The following BRIP1 variants were observed in gnomAD, a reference collection of about 807,000 sequenced individuals.
BRIP1 encodes Fanconi anemia group J protein.
BRIP1 carries 88 observed loss-of-function variants against 119.7 expected under a neutral mutation model. The observed-to-expected ratio is 0.74, with a 90% CI of 0.62 to 0.88. The LOEUF (loss-of-function observed/expected upper bound fraction) is 0.88. BRIP1 is among the 40% of genes least tolerant of loss of function. BRIP1 has a pLI of 0.00. For missense variants in BRIP1, 1,259 were observed against 1,455.4 expected (o/e 0.87, Z 2.20); for synonymous variants, 443 against 496.5 (o/e 0.89, Z 1.43).
chr17:61,786,346 T>A (rs1187579621), intron 10 of BRIP1, among the ~76,000 whole-genome samples: 1 of 151,992 alleles, frequency 6.6e-6, no homozygotes, highest in Non-Finnish European at 1.5e-5. Context: ...GTTATTTTTT[T>A]AAATGTGGTT....
At chr17:61,749,563 T>A (rs1249257560) in intron 14 of BRIP1, among the ~76,000 whole-genome samples, 1 of 152,176 alleles carries the variant, frequency 6.6e-6, no homozygotes, top group Non-Finnish European at 1.5e-5. Context: ...GGTTCACAGC[T>A]GTTCGGAAGG....
In BRIP1 at chr17:61,736,089, G is replaced by T. The variant is rs2076914406; in HGVS notation, c.2379+6924C>A. Among the ~76,000 whole-genome samples the T allele has an allele frequency of 6.6e-6, 1 of 152,014 alleles. No individual in the cohort carries two copies. The highest frequency in any genetic ancestry group is 1.5e-5 in the Non-Finnish European group (1 of 68,006). Reference sequence around the variant, plus strand: ...ACCTATAATCCCAGCACTTTGGGAGGCTGAGGTCTGAGCATCCCTTAAGGC... The same window carrying T: ...ACCTATAATCCCAGCACTTTGGGAGTCTGAGGTCTGAGCATCCCTTAAGGC... On this transcript the variant is annotated intron_variant, in intron 16 of 19. Coordinates refer to ENST00000259008, the MANE Select transcript of BRIP1 (RefSeq NM_032043.3). The surrounding 1 kb of genome is among the most constrained non-coding windows in gnomAD (Gnocchi z 4.4).
chr17:61,685,445 T>C (rs1038163516), intron 19 of BRIP1: 20 of 205,368 alleles, frequency 9.7e-5, no homozygotes, highest in Non-Finnish European at 1.9e-4. Context: ...CAAATTTTTA[T>C]ATAGCCTTTA....
rs1383960068 is a variant in BRIP1 at position 61,730,053 on chromosome 17, G to A, written c.2379+12960C>T. Among the ~76,000 whole-genome samples the A allele has an allele frequency of 6.6e-6, 1 of 152,206 alleles. No individual in the cohort carries two copies. Among genetic ancestry groups the A allele is most frequent in the Non-Finnish European group, 1.5e-5 (1 of 68,026 alleles). ...CAAATCTGGTATACTTGATGCAGTAGGAAAATACACTGAGTTATTTGTATA... is the reference window on the plus strand; with the variant it reads ...CAAATCTGGTATACTTGATGCAGTAAGAAAATACACTGAGTTATTTGTATA... On this transcript the variant is annotated intron_variant, in intron 16 of 19. Transcript: ENST00000259008. The surrounding 1 kb of genome is among the most constrained non-coding windows in gnomAD (Gnocchi z 4.3).
At chr17:61,741,537 A>G (rs894007828) in intron 16 of BRIP1, among the ~76,000 whole-genome samples, 1 of 152,360 alleles carries the variant, frequency 6.6e-6, no homozygotes, top group Non-Finnish European at 1.5e-5. Context: ...ACTTGGAAGT[A>G]GAAATTACTC....
rs1328997941 is a variant in BRIP1, at chr17:61,679,962, A to G, written c.*3334T>C. 6.6e-6 allele frequency among the ~76,000 whole-genome samples: 1 copy of G among 152,142 alleles called. No homozygotes were observed. Among genetic ancestry groups the G allele is most frequent in the Non-Finnish European group, 1.5e-5 (1 of 68,028 alleles). ...TAAAATTTTTGAAACACCTTTTGGA[A>G]TTACTAAAGGGTTGTGACACATCTC... On this transcript the variant is annotated 3_prime_UTR_variant, in exon 20 of 20. Transcript: ENST00000259008. The surrounding 1 kb of genome is among the most constrained non-coding windows in gnomAD (Gnocchi z 4.4).
rs3034667 is a variant in BRIP1 at position 61,825,622 on chromosome 17, C to CAAAT, written c.628-16869_628-16866dup. 0.14 allele frequency among the ~76,000 whole-genome samples: 19,622 copies of CAAAT among 143,274 alleles called. 1,407 individuals carry two copies. The highest frequency in any genetic ancestry group is 0.16 in the African/African-American group (6,357 of 38,702). 94.0% of individuals were successfully genotyped at this position (143,274 alleles called of 152,430 possible). ...AATGCAATCCCATTCACAATTGCCA[C>CAAAT]AAATAAATAAATAAATAAATAAATA... On this transcript the variant is annotated intron_variant, in intron 6 of 19. Coordinates refer to ENST00000259008, the MANE Select transcript of BRIP1 (RefSeq NM_032043.3). This position sits in a 1 kb window ranked among gnomAD's most constrained non-coding sequence, Gnocchi z 4.1.
At chr17:61,727,504 C>T (rs973804402) in intron 16 of BRIP1, among the ~76,000 whole-genome samples, 5 of 152,080 alleles carry the variant, frequency 3.3e-5, no homozygotes, top group African/African-American at 7.2e-5. Flanking sequence ...TGGTGGCTCA[C>T]GTTTATAATC....
rs923106469 is a variant in BRIP1 at position 61,795,982 on chromosome 17, T to C, written c.1341-2253A>G. Among the ~76,000 whole-genome samples the C allele has an allele frequency of 2.0e-5, 3 of 152,156 alleles. No individual in the cohort carries two copies. The highest frequency in any genetic ancestry group is 6.6e-5 in the Admixed American group (1 of 15,266). On this transcript the variant is annotated intron_variant, in intron 9 of 19. Coordinates refer to ENST00000259008, the MANE Select transcript of BRIP1 (RefSeq NM_032043.3). This position sits in a 1 kb window ranked among gnomAD's most constrained non-coding sequence, Gnocchi z 5.6. ...GTGAGGTGATATCTCATTGTAGTTTTGATCAGCAGAGAAATGCTGATCAAT... is the reference window on the plus strand; with the variant it reads ...GTGAGGTGATATCTCATTGTAGTTTCGATCAGCAGAGAAATGCTGATCAAT...
rs942563820 is a variant in BRIP1, at chr17:61,745,743, T to C, written c.2098-1152A>G. Among the ~76,000 whole-genome samples the C allele has an allele frequency of 6.6e-6, 1 of 152,166 alleles. No individual in the cohort carries two copies. Among genetic ancestry groups the C allele is most frequent in the African/African-American group, 2.4e-5 (1 of 41,432 alleles). ...GTATAACTCATGAAATCTTTAGTTA[T>C]GAATAAGAAAAGCACTCACAATTCG... On this transcript the variant is annotated intron_variant, in intron 14 of 19. Transcript: ENST00000259008. The surrounding 1 kb of genome is among the most constrained non-coding windows in gnomAD (Gnocchi z 4.4).
In BRIP1 at chr17:61,765,986, T is replaced by G. The variant is rs530272313; in HGVS notation, c.2097+10415A>C. Among the ~76,000 whole-genome samples, 34 of 152,220 alleles carry G rather than the reference T, an allele frequency of 2.2e-4. 1 individual carries two copies. In the South Asian group the frequency reaches 7.0e-3, roughly 32 times the overall value. On this transcript the variant is annotated intron_variant, in intron 14 of 19. Transcript: ENST00000259008. Reference sequence around the variant, plus strand: ...GCTCTTATATCTATCTTCCTAACAGTTTAGCTCATAATCAAAAACAAATGT... The same window carrying G: ...GCTCTTATATCTATCTTCCTAACAGGTTAGCTCATAATCAAAAACAAATGT...
rs2077284705 is a variant in BRIP1, at chr17:61,762,065, G to A, written c.2097+14336C>T. On this transcript the variant is annotated intron_variant, in intron 14 of 19. Coordinates refer to ENST00000259008, the MANE Select transcript of BRIP1 (RefSeq NM_032043.3). This position sits in a 1 kb window ranked among gnomAD's most constrained non-coding sequence, Gnocchi z 4.3. The stretch of plus-strand genomic sequence containing the variant: ...GGTATTGGCATAAAAAACAGCCACA[G>A]TGACCAACGAAACAAAGAGCACAGA... Among the ~76,000 whole-genome samples, 1 of 151,888 alleles carries A rather than the reference G, an allele frequency of 6.6e-6. No individual in the cohort carries two copies. The highest frequency in any genetic ancestry group is 1.5e-5 in the Non-Finnish European group (1 of 67,912).
chr17:61,773,439 A>G (rs935157589), intron 14 of BRIP1, among the ~76,000 whole-genome samples: 9 of 152,144 alleles, frequency 5.9e-5, no homozygotes, highest in African/African-American at 1.9e-4. Context: ...TAAATCTTAG[A>G]CCTAAAACCA....
rs1013409050 is a variant in BRIP1, at chr17:61,846,560, T to A, written c.627+541A>T. Among the ~76,000 whole-genome samples, 4 of 152,122 alleles carry A rather than the reference T, an allele frequency of 2.6e-5. No homozygotes were observed. The highest frequency in any genetic ancestry group is 9.7e-5 in the African/African-American group (4 of 41,424). On this transcript the variant is annotated intron_variant, in intron 6 of 19. Coordinates refer to ENST00000259008, the MANE Select transcript of BRIP1 (RefSeq NM_032043.3). This position sits in a 1 kb window ranked among gnomAD's most constrained non-coding sequence, Gnocchi z 4.3. The stretch of plus-strand genomic sequence containing the variant: ...CACCACAACACCCGGCTAATTTTTG[T>A]ATTTTTTGTAGAATCAGGGTTTCGC...
chr17:61,707,756 T>TC (rs2061713095), intron 17 of BRIP1, among the ~76,000 whole-genome samples: 1 of 152,126 alleles, frequency 6.6e-6, no homozygotes, highest in African/African-American at 2.4e-5. Context: ...ATTTCTCCTA[T>TC]CTGGGGGTTG....
In BRIP1 at chr17:61,846,099, A is replaced by G. The variant is rs1333866915; in HGVS notation, c.627+1002T>C. 2.6e-5 allele frequency among the ~76,000 whole-genome samples: 4 copies of G among 151,976 alleles called. No homozygotes were observed. Among genetic ancestry groups the G allele is most frequent in the East Asian group, 1.9e-4 (1 of 5,180 alleles). ...CGGGAGGTTGAGGCAGGAGAATGGC[A>G]TGAACCCAGGAGGCGGAGCTTGCAG... On this transcript the variant is annotated intron_variant, in intron 6 of 19. Transcript: ENST00000259008. The surrounding 1 kb of genome is among the most constrained non-coding windows in gnomAD (Gnocchi z 4.3).
rs2078981712 is a variant in BRIP1, at chr17:61,862,100, T to C, written c.-30-531A>G. On this transcript the variant is annotated intron_variant, in intron 1 of 19. Coordinates refer to ENST00000259008, the MANE Select transcript of BRIP1 (RefSeq NM_032043.3). This position sits in a 1 kb window ranked among gnomAD's most constrained non-coding sequence, Gnocchi z 5.3. ...GCTGTTGACCAGAAGTCAGGAAGCA[T>C]AGGTTCTATACCAGGTTTTGGTATA... is the stretch of plus-strand genomic sequence containing the variant. The C allele has an allele frequency of 6.2e-6, 1 of 161,060 alleles. No individual in the cohort carries two copies. Among genetic ancestry groups the C allele is most frequent in the African/African-American group, 2.4e-5 (1 of 41,498 alleles). The allele number at this position is 161,060 out of a possible 1,614,324, so 10.0% of individuals were successfully genotyped here.
intron 18 of BRIP1, among the ~76,000 whole-genome samples, chr17:61,692,616 T>C (rs2061464612): frequency 6.6e-6 from 1 of 152,120 alleles, no homozygotes; most frequent in Non-Finnish European, 1.5e-5. Context: ...ATGCTTAACA[T>C]CCCTATTCAT....
At position 61,860,455 on chromosome 17, in the gene BRIP1, T is replaced by C. The variant is rs2078958677; in HGVS notation, c.94-548A>G. Among the ~76,000 whole-genome samples the C allele has an allele frequency of 6.6e-6, 1 of 151,988 alleles. No homozygotes were observed. Among genetic ancestry groups the C allele is most frequent in the Non-Finnish European group, 1.5e-5 (1 of 68,000 alleles). Reference sequence around the variant, plus strand: ...CAGGTGGATCATTTGAGGTCAGGAGTTCGAGACCAGCCTGGCCAACACGGT... The same window carrying C: ...CAGGTGGATCATTTGAGGTCAGGAGCTCGAGACCAGCCTGGCCAACACGGT... On this transcript the variant is annotated intron_variant, in intron 2 of 19. Transcript: ENST00000259008. This position sits in a 1 kb window ranked among gnomAD's most constrained non-coding sequence, Gnocchi z 4.1.
Sources: gnomAD v4.1 joint callset for allele counts (sites outside exome capture counted in the v4.1 genomes callset) on GRCh38, gnomAD v4.1.1 for gene constraint, Gnocchi (gnomAD v3.1) non-coding constraint, MANE v1.5 for transcripts, NCBI Gene and HGNC (gene_info 2026-07-23, HGNC 2026-07-21) for gene names.